Variants in TASP1 observed in about 807,000 individuals in gnomAD.
The protein encoded by TASP1 is threonine aspartase 1.
In TASP1, 16 loss-of-function variants were observed where a neutral mutation model predicts 56.6. The observed-to-expected ratio is 0.28, with a 90% CI of 0.19 to 0.43. TASP1 has a LOEUF of 0.43. Among genes scored for constraint, TASP1 ranks in the 20% least tolerant of loss-of-function variants. The pLI is 1.00. For missense variants in TASP1, 393 were observed against 511.6 expected (o/e 0.77, Z 2.24); for synonymous variants, 179 against 184.2 (o/e 0.97, Z 0.23).
the TASP1 span, among the ~76,000 whole-genome samples, chr20:13,304,447 G>A: frequency 5.3e-5 from 8 of 152,122 alleles, no homozygotes; most frequent in East Asian, 1.3e-3. Flanking sequence ...ATAAATTGGG[G>A]TAAGTCCACC....
the TASP1 span, among the ~76,000 whole-genome samples, chr20:13,127,208 T>C: frequency 4.6e-5 from 7 of 152,214 alleles, no homozygotes; most frequent in Admixed American, 4.6e-4. Flanking sequence ...TCTTTGTCAG[T>C]GGGACCAGAG....
chr20:13,346,933 T>G, the TASP1 span, among the ~76,000 whole-genome samples: 2 of 152,264 alleles, frequency 1.3e-5, no homozygotes, highest in African/African-American at 4.8e-5. Context: ...CTTAGAAGTT[T>G]GACTGTGTTC....
the TASP1 span, among the ~76,000 whole-genome samples, chr20:13,280,399 C>A: frequency 1.6e-3 from 238 of 147,652 alleles, 1 homozygote; most frequent in African/African-American, 4.4e-3. Flanking sequence ...TAACCCCCCC[C>A]CCCCAATACA....
At chr20:13,619,930 T>C (rs73090125) in intron 4 of TASP1, among the ~76,000 whole-genome samples, 20,118 of 152,208 alleles carry the variant, frequency 0.13, 1,536 homozygotes, top group East Asian at 0.22. Flanking sequence ...ATTTTGAAGA[T>C]AAACAAAATA....
chr20:13,306,564 C>CAAAAAAAAAAAAAAAAAAAAAAG, the TASP1 span, among the ~76,000 whole-genome samples: 2 of 63,914 alleles, frequency 3.1e-5, no homozygotes, highest in African/African-American at 7.2e-5. Context: ...GGAGAAAGGA[C>CAAAAAAAAAAAAAAAAAAAAAAG]AAAAAAAAAA....
chr20:13,483,179 G>A (rs1303587808), intron 11 of TASP1, 48 bp downstream of exon 11: 14 of 1,382,388 alleles, frequency 1.0e-5, no homozygotes, highest in Non-Finnish European at 1.2e-5. Flanking sequence ...TTATAGAAGT[G>A]AAATAATCCA....
the TASP1 span, chr20:13,270,514 A>C: frequency 6.2e-7 from 1 of 1,612,972 alleles, no homozygotes; most frequent in Non-Finnish European, 8.5e-7. Context: ...AATAACCTCA[A>C]CGTGGGAAGT....
the TASP1 span, among the ~76,000 whole-genome samples, chr20:13,324,560 C>T: frequency 6.6e-6 from 1 of 152,294 alleles, no homozygotes; most frequent in East Asian, 1.9e-4. Flanking sequence ...AACTAAGTTT[C>T]AGTTGGCTTT....
At chr20:13,380,333 T>C in the TASP1 span, among the ~76,000 whole-genome samples, 1 of 152,334 alleles carries the variant, frequency 6.6e-6, no homozygotes, top group South Asian at 2.1e-4. Context: ...GTCAGGCCTC[T>C]CTGCTGCAGG....
intron 8 of TASP1, among the ~76,000 whole-genome samples, chr20:13,543,713 ACAGGATCTTT>A (rs2045706304): frequency 6.6e-6 from 1 of 152,206 alleles, no homozygotes; most frequent in Non-Finnish European, 1.5e-5. Context: ...CTGGCTTGTT[ACAGGATCTTT>A]ATTGGCTTAT....
At chr20:13,437,930 C>T (rs894996593) in intron 11 of TASP1, among the ~76,000 whole-genome samples, 1 of 152,176 alleles carries the variant, frequency 6.6e-6, no homozygotes. Flanking sequence ...AATGGCCATA[C>T]TGCCCAAGGT....
At chr20:13,404,570 C>T (rs1488555029) in intron 13 of TASP1, among the ~76,000 whole-genome samples, 1 of 152,152 alleles carries the variant, frequency 6.6e-6, no homozygotes, top group African/African-American at 2.4e-5. Context: ...TGTGCCACTG[C>T]ACTCCAAGTG....
chr20:13,469,866 T>C (rs2044419993), intron 11 of TASP1, among the ~76,000 whole-genome samples: 1 of 134,268 alleles, frequency 7.4e-6, no homozygotes. Flanking sequence ...TAGAATGCAG[T>C]GGCATGATCT....
At chr20:13,162,763 C>T in the TASP1 span, among the ~76,000 whole-genome samples, 1 of 152,174 alleles carries the variant, frequency 6.6e-6, no homozygotes, top group African/African-American at 2.4e-5. Flanking sequence ...CAGTGAACTG[C>T]TCCCACTTCT....
chr20:13,190,696 T>G, the TASP1 span, among the ~76,000 whole-genome samples: 3 of 152,118 alleles, frequency 2.0e-5, no homozygotes, highest in African/African-American at 7.2e-5. Flanking sequence ...GGGTAAGAAC[T>G]TAAAAGCATA....
intron 8 of TASP1, among the ~76,000 whole-genome samples, chr20:13,546,074 A>T (rs1032194310): frequency 1.3e-4 from 20 of 152,218 alleles, no homozygotes; most frequent in Admixed American, 1.2e-3. Flanking sequence ...TCAAATACAT[A>T]AAGGGCAGGG....
chr20:13,310,910 G>A, the TASP1 span, among the ~76,000 whole-genome samples: 2 of 152,122 alleles, frequency 1.3e-5, no homozygotes, highest in African/African-American at 4.8e-5. Flanking sequence ...AAAATATAAA[G>A]AGGCCAGGCA....
the TASP1 span, among the ~76,000 whole-genome samples, chr20:13,107,218 A>G: frequency 0.36 from 55,031 of 152,080 alleles, 10,549 homozygotes; most frequent in Non-Finnish European, 0.44. Flanking sequence ...GAGAATCTGC[A>G]TTTTAACTGG....
the TASP1 span, among the ~76,000 whole-genome samples, chr20:13,293,083 C>T: frequency 6.6e-6 from 1 of 151,840 alleles, no homozygotes; most frequent in African/African-American, 2.4e-5. Context: ...GCCTGTAGTC[C>T]CAGCTACTCG....
Sources: gnomAD v4.1 joint callset for allele counts (sites outside exome capture counted in the v4.1 genomes callset) on GRCh38, gnomAD v4.1.1 for gene constraint, MANE v1.5 for transcripts, NCBI Gene and HGNC (gene_info 2026-07-23, HGNC 2026-07-21) for gene names.